The following HIVEP3 variants were observed in gnomAD, a reference collection of about 807,000 sequenced individuals.
HIVEP3 encodes transcription factor HIVEP3.
Under a neutral mutation model 152.8 loss-of-function variants are expected in HIVEP3, and 49 were observed. The observed-to-expected ratio is 0.32, with a 90% CI of 0.26 to 0.41. The LOEUF (loss-of-function observed/expected upper bound fraction) is 0.41. HIVEP3 is among the 10% of genes least tolerant of loss of function. HIVEP3 has a pLI of 1.00. For missense variants in HIVEP3, 2,790 were observed against 3,103.3 expected (o/e 0.90, Z 2.40); for synonymous variants, 1,269 against 1,289.0 (o/e 0.98, Z 0.33).
intron 5 of HIVEP3, among the ~76,000 whole-genome samples, chr1:41,565,257 G>C (rs2149092347): frequency 6.6e-6 from 1 of 152,248 alleles, no homozygotes; most frequent in South Asian, 2.1e-4. Flanking sequence ...GAATGGCAAA[G>C]GCTTTGGAGC....
intron 1 of HIVEP3, among the ~76,000 whole-genome samples, chr1:41,803,908 G>A (rs1003939248): frequency 7.9e-5 from 12 of 152,270 alleles, no homozygotes; most frequent in South Asian, 6.2e-4. Flanking sequence ...ACTAAGAACC[G>A]CCTATCGATT....
chr1:41,856,003 ACCCTCCCAAGTAGC>A (rs1370139361), intron 1 of HIVEP3, among the ~76,000 whole-genome samples: 1 of 152,006 alleles, frequency 6.6e-6, no homozygotes, highest in Non-Finnish European at 1.5e-5. Context: ...CTCCTGCCTC[ACCCTCCCAAGTAGC>A]TGGGACTACA....
chr1:41,570,051 G>A (rs1400380251), intron 5 of HIVEP3, among the ~76,000 whole-genome samples: 2 of 152,202 alleles, frequency 1.3e-5, no homozygotes, highest in South Asian at 2.1e-4. Flanking sequence ...TGCATGACCC[G>A]GAGTTCAGAG....
Position 41,889,918 on chromosome 1 carries a change from C to T in HIVEP3, c.-801+28495G>A, listed in dbSNP as rs145500087. Among the ~76,000 whole-genome samples the T allele has an allele frequency of 7.2e-5, 11 of 152,290 alleles. No individual in the cohort carries two copies. The South Asian group carries it at 1.0e-3, about 14-fold the overall frequency. On this transcript the variant is annotated intron_variant, in intron 1 of 8. Coordinates refer to ENST00000372583, the MANE Select transcript of HIVEP3 (RefSeq NM_024503.5). Reference sequence around the variant, plus strand: ...GGCCTAGAAAGGCAAGTGGCTTGCCCGGAATTAACAATAATAGTTTAACCA... The same window carrying T: ...GGCCTAGAAAGGCAAGTGGCTTGCCTGGAATTAACAATAATAGTTTAACCA...
intron 1 of HIVEP3, among the ~76,000 whole-genome samples, chr1:42,006,250 G>C (rs183166084): frequency 5.3e-5 from 8 of 152,186 alleles, no homozygotes; most frequent in Non-Finnish European, 1.0e-4. Context: ...GGTGGAGGGT[G>C]GGGGGAGGCT....
chr1:41,857,165 T>C (rs1251435066), intron 1 of HIVEP3, among the ~76,000 whole-genome samples: 1 of 152,104 alleles, frequency 6.6e-6, no homozygotes, highest in Non-Finnish European at 1.5e-5. Context: ...TCCTCCAAAC[T>C]GGCCATCCAG....
intron 1 of HIVEP3, among the ~76,000 whole-genome samples, chr1:41,783,920 A>G (rs1240467576): frequency 6.6e-6 from 1 of 152,188 alleles, no homozygotes; most frequent in East Asian, 1.9e-4. Flanking sequence ...GGGTGGCGGT[A>G]TTATCTATTG....
chr1:41,807,463 G>C (rs1004597209), intron 1 of HIVEP3, among the ~76,000 whole-genome samples: 1 of 152,192 alleles, frequency 6.6e-6, no homozygotes, highest in Non-Finnish European at 1.5e-5. Context: ...GTGAGGGAAG[G>C]AGGGACCTGT....
intron 1 of HIVEP3, among the ~76,000 whole-genome samples, chr1:42,005,667 T>C (rs1347760262): frequency 6.6e-6 from 1 of 152,184 alleles, no homozygotes; most frequent in Admixed American, 6.5e-5. Flanking sequence ...GCAACCAACA[T>C]TCAGGAAAGA....
At chr1:41,540,213 G>A (rs1029179797) in intron 5 of HIVEP3, among the ~76,000 whole-genome samples, 4 of 152,200 alleles carry the variant, frequency 2.6e-5, no homozygotes, top group African/African-American at 9.7e-5. Flanking sequence ...CCTGGCCAAC[G>A]CTGGGCTACT....
At chr1:41,959,509 C>T (rs1645157901) in intron 1 of HIVEP3, among the ~76,000 whole-genome samples, 1 of 152,346 alleles carries the variant, frequency 6.6e-6, no homozygotes, top group Admixed American at 6.5e-5. Context: ...CCACACCATC[C>T]AGATGCTGCT....
intron 1 of HIVEP3, chr1:42,035,786 G>C (rs921063561): frequency 3.3e-5 from 5 of 151,490 alleles, no homozygotes; most frequent in Admixed American, 2.0e-4. Context: ...GCGATGGCTC[G>C]GCAGCCGCGG....
intron 5 of HIVEP3, among the ~76,000 whole-genome samples, chr1:41,525,797 C>G (rs1041352861): frequency 6.6e-6 from 1 of 152,172 alleles, no homozygotes; most frequent in African/African-American, 2.4e-5. Flanking sequence ...ATGAAGCTGT[C>G]TTGTTGGTCT....
Position 41,583,422 on chromosome 1 carries a change from G to A in HIVEP3, c.1376C>T (p.Thr459Met), listed in dbSNP as rs765686223. 21 of 1,613,826 alleles carry A rather than the reference G, an allele frequency of 1.3e-5. No homozygotes were observed. Among genetic ancestry groups the A allele is most frequent in the Admixed American group, 1.2e-4 (7 of 59,994 alleles). Residue 459 changes from threonine to methionine, a missense_variant, in exon 4 of 9, where the codon ACG (threonine) becomes ATG (methionine). By Grantham distance (81) the Thr-to-Met change is moderately conservative (BLOSUM62 -1). This residue lies in a region of HIVEP3 where 134 missense variants were observed against 242.5 expected (regional missense o/e 0.55). Coordinates refer to ENST00000372583, the MANE Select transcript of HIVEP3 (RefSeq NM_024503.5). This position sits in a 1 kb window ranked among gnomAD's most constrained non-coding sequence, Gnocchi z 6.9. ...CTTCGTGATGTGCTCGATCACCTGC[G>A]TCCGGGGTACAGACAAAGGCACCAG... ...PSLVPLSVPR[T>M]QVIEHITKLI... is the part of the protein sequence containing the mutation.
chr1:41,718,883 C>A (rs1646636785), intron 1 of HIVEP3, among the ~76,000 whole-genome samples: 1 of 152,206 alleles, frequency 6.6e-6, no homozygotes, highest in South Asian at 2.1e-4. Context: ...AGACCAAAGG[C>A]ATTAGAACGA....
chr1:41,990,269 T>C (rs1015142148), intron 1 of HIVEP3, among the ~76,000 whole-genome samples: 17 of 141,784 alleles, frequency 1.2e-4, no homozygotes, highest in African/African-American at 3.7e-4. Context: ...TTCTGGCTTG[T>C]AGGGTTTCTG....
intron 3 of HIVEP3, among the ~76,000 whole-genome samples, chr1:41,619,902 G>A (rs1438040209): frequency 6.6e-6 from 1 of 152,162 alleles, no homozygotes; most frequent in African/African-American, 2.4e-5. Context: ...GAGCACCTAG[G>A]CATGGCTGGC....
intron 1 of HIVEP3, among the ~76,000 whole-genome samples, chr1:41,942,658 A>C (rs1645051628): frequency 6.6e-6 from 1 of 152,238 alleles, no homozygotes; most frequent in Admixed American, 6.5e-5. Context: ...CTATTTGTCA[A>C]AACACAATTT....
At chr1:41,722,874 G>A (rs1408714434) in intron 1 of HIVEP3, among the ~76,000 whole-genome samples, 1 of 152,158 alleles carries the variant, frequency 6.6e-6, no homozygotes, top group African/African-American at 2.4e-5. Flanking sequence ...GTGTATGTGT[G>A]AGAGAAACAG....
Sources: gnomAD v4.1 joint callset for allele counts (sites outside exome capture counted in the v4.1 genomes callset) on GRCh38, gnomAD v4.1.1 for gene constraint, gnomAD v4.1.1 regional missense constraint, Gnocchi (gnomAD v3.1) non-coding constraint, MANE v1.5 for transcripts, NCBI Gene and HGNC (gene_info 2026-07-23, HGNC 2026-07-21) for gene names.